The following KSR1 variants were observed in gnomAD, a reference collection of about 807,000 sequenced individuals.
The protein encoded by KSR1 is kinase suppressor of ras 1.
A neutral mutation model predicts 92.9 loss-of-function variants in KSR1; 35 were observed. The observed-to-expected ratio is 0.38, with a 90% CI of 0.29 to 0.50. The LOEUF is 0.50. KSR1 is among the 20% of genes least tolerant of loss of function. KSR1 has a pLI of 0.94. For missense variants in KSR1, 972 were observed against 1,158.5 expected, an observed-to-expected ratio of 0.84 and a Z score of 2.34; for synonymous variants, 467 against 472.6, an observed-to-expected ratio of 0.99 and a Z score of 0.15.
At chr17:27,537,640 A>G (rs2948535) in intron 1 of KSR1, among the ~76,000 whole-genome samples, 62,556 of 152,072 alleles carry the variant, frequency 0.41, 13,565 homozygotes, top group African/African-American at 0.54. Context: ...CAATGAGCCG[A>G]GATCAGGCCA....
chr17:27,615,064 A>T (rs2074021473), intron 18 of KSR1, among the ~76,000 whole-genome samples: 1 of 152,214 alleles, frequency 6.6e-6, no homozygotes, highest in South Asian at 2.1e-4. Context: ...TTAAGGGTCC[A>T]TGCATATGGG....
chr17:27,491,271 C>G (rs1433355532), intron 1 of KSR1, among the ~76,000 whole-genome samples: 1 of 139,248 alleles, frequency 7.2e-6, no homozygotes, highest in Non-Finnish European at 1.5e-5. Context: ...ACTATAGGCT[C>G]ATGCCACCAA....
At chr17:27,576,860 A>T (rs1231950590) in intron 2 of KSR1, among the ~76,000 whole-genome samples, 1 of 152,154 alleles carries the variant, frequency 6.6e-6, no homozygotes, top group Non-Finnish European at 1.5e-5. Flanking sequence ...ACACCAGGGG[A>T]CAAAGGTCAC....
At chr17:27,621,430 C>T (rs1440631044) in intron 20 of KSR1, among the ~76,000 whole-genome samples, 157 bp downstream of exon 20, 1 of 152,174 alleles carries the variant, frequency 6.6e-6, no homozygotes, top group Non-Finnish European at 1.5e-5. Context: ...TGGCTTCCAG[C>T]AAGGGTCACA....
At chr17:27,498,508 T>G (rs938735149) in intron 1 of KSR1, among the ~76,000 whole-genome samples, 1 of 152,178 alleles carries the variant, frequency 6.6e-6, no homozygotes, top group Non-Finnish European at 1.5e-5. Context: ...TTCCGGACAG[T>G]CCAGTGGTTC....
At chr17:27,480,895 C>G (rs943535115) in intron 1 of KSR1, among the ~76,000 whole-genome samples, 1 of 152,144 alleles carries the variant, frequency 6.6e-6, no homozygotes, top group Admixed American at 6.5e-5. Context: ...TAGTCGCATG[C>G]GTGTGTGTTT....
At chr17:27,475,637 C>A (rs149343926) in intron 1 of KSR1, among the ~76,000 whole-genome samples, 1 of 152,204 alleles carries the variant, frequency 6.6e-6, no homozygotes, top group African/African-American at 2.4e-5. Context: ...GATGCCCTTC[C>A]GTCCACCCCA....
At chr17:27,463,479 A>G (rs1257074100) in intron 1 of KSR1, among the ~76,000 whole-genome samples, 1 of 151,990 alleles carries the variant, frequency 6.6e-6, no homozygotes, top group Non-Finnish European at 1.5e-5. Flanking sequence ...AAAAAAAAAA[A>G]AAAAAGAGGC....
intron 1 of KSR1, among the ~76,000 whole-genome samples, chr17:27,469,476 G>T (rs1431967872): frequency 6.6e-6 from 1 of 152,148 alleles, no homozygotes; most frequent in Admixed American, 6.5e-5. Flanking sequence ...AGGGCGCCAG[G>T]ATGTGCGGGG....
At chr17:27,491,104 C>G (rs1261077901) in intron 1 of KSR1, among the ~76,000 whole-genome samples, 1 of 152,078 alleles carries the variant, frequency 6.6e-6, no homozygotes, top group Admixed American at 6.5e-5. Flanking sequence ...CACACAGATA[C>G]ACAAAGCACT....
At chr17:27,600,849 G>T (rs1185954179) in intron 10 of KSR1, among the ~76,000 whole-genome samples, 2 of 152,166 alleles carry the variant, frequency 1.3e-5, no homozygotes, top group African/African-American at 4.8e-5. Context: ...CTAGTTATGT[G>T]GCAGAATTGA....
chr17:27,481,339 C>G (rs2068502817), intron 1 of KSR1, among the ~76,000 whole-genome samples: 1 of 152,190 alleles, frequency 6.6e-6, no homozygotes. Context: ...TTTGTGGAAA[C>G]AAGGTGAGGG....
chr17:27,588,402 A>G, intron 5 of KSR1, 73 bp from the exon 6 acceptor site: 1 of 1,380,644 alleles, frequency 7.2e-7, no homozygotes, highest in South Asian at 1.4e-5. Flanking sequence ...TGGTCTCTGA[A>G]TTAGGAAGTC....
chr17:27,462,624 T>G (rs1402909168), intron 1 of KSR1, among the ~76,000 whole-genome samples: 1 of 152,256 alleles, frequency 6.6e-6, no homozygotes, highest in African/African-American at 2.4e-5. Flanking sequence ...AATGGCTACC[T>G]GTCTTATTCT....
rs1481300701 is a variant in KSR1, at chr17:27,623,741, G to A, written c.*349G>A. 1 of 561,516 alleles carries A rather than the reference G, an allele frequency of 1.8e-6. No homozygotes were observed. The highest frequency in any genetic ancestry group is 2.0e-5 in the African/African-American group (1 of 51,046). The allele number at this position is 561,516 out of a possible 1,614,324, so 34.8% of individuals were successfully genotyped here. ...GATGGCGGAAATGGCCATCCCCTCTGAGGACCTTGTAGGCGGTGAGGGACC... is the reference window on the plus strand; with the variant it reads ...GATGGCGGAAATGGCCATCCCCTCTAAGGACCTTGTAGGCGGTGAGGGACC... On this transcript the variant is annotated 3_prime_UTR_variant, in exon 21 of 21. Coordinates refer to ENST00000644974, the MANE Select transcript of KSR1 (RefSeq NM_001394583.1).
chr17:27,475,557 G>A, intron 1 of KSR1, among the ~76,000 whole-genome samples: 1 of 152,116 alleles, frequency 6.6e-6, no homozygotes, highest in East Asian at 1.9e-4. Context: ...CTTTTACAGA[G>A]CTCCCACGGC....
At chr17:27,557,550 A>T (rs1487388817) in intron 2 of KSR1, among the ~76,000 whole-genome samples, 1 of 152,146 alleles carries the variant, frequency 6.6e-6, no homozygotes, top group Non-Finnish European at 1.5e-5. Context: ...CTGAGATCCT[A>T]TGGGTATCTA....
intron 1 of KSR1, among the ~76,000 whole-genome samples, chr17:27,526,097 TC>T (rs1434249662): frequency 1.2e-4 from 14 of 117,814 alleles, no homozygotes; most frequent in African/African-American, 6.6e-4. Flanking sequence ...TCTTTCTTTC[TC>T]TCTCTCTCTC....
At chr17:27,584,896 A>C (rs543283832) in intron 4 of KSR1, among the ~76,000 whole-genome samples, 3 of 151,972 alleles carry the variant, frequency 2.0e-5, no homozygotes, top group Non-Finnish European at 2.9e-5. Context: ...CACAGCTGTT[A>C]TCTCTGCCCT....
Sources: gnomAD v4.1 joint callset for allele counts (sites outside exome capture counted in the v4.1 genomes callset) on GRCh38, gnomAD v4.1.1 for gene constraint, MANE v1.5 for transcripts, NCBI Gene and HGNC (gene_info 2026-07-23, HGNC 2026-07-21) for gene names.